Variants in GRXCR2 observed in about 807,000 individuals in gnomAD.
GRXCR2 encodes glutaredoxin and cysteine rich domain containing 2.
A neutral mutation model predicts 24.8 loss-of-function variants in GRXCR2; 23 were observed. The observed-to-expected ratio is 0.93, with a 90% CI of 0.67 to 1.32. The LOEUF is 1.32. GRXCR2 is among the 40% of genes most tolerant of loss of function. The pLI is 0.00. For missense variants in GRXCR2, 315 were observed against 303.4 expected (o/e 1.04, Z -0.28); for synonymous variants, 130 against 116.1 (o/e 1.12, Z -0.77).
chr5:145,903,641 G>A (rs1241089310), intron 2 of GRXCR2, among the ~76,000 whole-genome samples: 2 of 152,104 alleles, frequency 1.3e-5, no homozygotes, highest in African/African-American at 4.8e-5. Context: ...AAAATCATGG[G>A]TTTGAGTAAA....
chr5:145,897,744 A>G (rs528802824), intron 2 of GRXCR2, among the ~76,000 whole-genome samples: 1 of 152,278 alleles, frequency 6.6e-6, no homozygotes, highest in Non-Finnish European at 1.5e-5. Flanking sequence ...AAATCAAGGC[A>G]GAAATCAAAA....
intron 2 of GRXCR2, among the ~76,000 whole-genome samples, chr5:145,914,548 C>T (rs1003209730): frequency 2.6e-4 from 40 of 151,444 alleles, no homozygotes; most frequent in African/African-American, 8.3e-4. Flanking sequence ...TGGTGGTGTG[C>T]GCTTATAATC....
At chr5:145,912,516 A>G (rs1209270392) in intron 2 of GRXCR2, among the ~76,000 whole-genome samples, 1 of 152,196 alleles carries the variant, frequency 6.6e-6, no homozygotes, top group Non-Finnish European at 1.5e-5. Context: ...GGGGCAGGGG[A>G]AAGACCACAC....
intron 2 of GRXCR2, among the ~76,000 whole-genome samples, chr5:145,928,867 CAT>C (rs1387752661): frequency 6.6e-6 from 1 of 151,632 alleles, no homozygotes; most frequent in Admixed American, 6.6e-5. Context: ...CTAACCTGCA[CAT>C]GTTGTGCACA....
chr5:145,904,620 G>T (rs1166673876), intron 2 of GRXCR2, among the ~76,000 whole-genome samples: 1 of 152,184 alleles, frequency 6.6e-6, no homozygotes, highest in Non-Finnish European at 1.5e-5. Context: ...GGAGCCAGAA[G>T]ACCCCACAGT....
At chr5:145,909,186 A>G (rs1003681460) in intron 2 of GRXCR2, among the ~76,000 whole-genome samples, 8 of 152,320 alleles carry the variant, frequency 5.3e-5, no homozygotes, top group Non-Finnish European at 1.0e-4. Context: ...ATTTATTGCT[A>G]TTATATGTAA....
chr5:145,885,342 A>G (rs1428925684), intron 2 of GRXCR2, among the ~76,000 whole-genome samples: 1 of 152,126 alleles, frequency 6.6e-6, no homozygotes, highest in Non-Finnish European at 1.5e-5. Context: ...TCAAGAGACT[A>G]TTATATTTCA....
chr5:145,896,717 T>A (rs1756955491), intron 2 of GRXCR2, among the ~76,000 whole-genome samples: 1 of 152,120 alleles, frequency 6.6e-6, no homozygotes, highest in African/African-American at 2.4e-5. Context: ...CTTGTGGAAG[T>A]CAGTGTGGCG....
chr5:145,894,761 G>C (rs1366844046), intron 2 of GRXCR2, among the ~76,000 whole-genome samples: 1 of 152,048 alleles, frequency 6.6e-6, no homozygotes, highest in African/African-American at 2.4e-5. Flanking sequence ...GAAAAAGAGG[G>C]AATCCTCCCT....
intron 2 of GRXCR2, among the ~76,000 whole-genome samples, chr5:145,884,819 T>G (rs1756755859): frequency 1.3e-5 from 2 of 152,202 alleles, no homozygotes; most frequent in Non-Finnish European, 1.5e-5. Flanking sequence ...CATTTTCACT[T>G]AGACCCTAGT....
At chr5:145,920,267 G>A (rs913678747) in intron 2 of GRXCR2, among the ~76,000 whole-genome samples, 2 of 152,134 alleles carry the variant, frequency 1.3e-5, no homozygotes, top group African/African-American at 4.8e-5. Flanking sequence ...GTGTGGTCCT[G>A]GATCCACATC....
intron 2 of GRXCR2, among the ~76,000 whole-genome samples, chr5:145,880,000 GC>G (rs1412981998): frequency 2.0e-5 from 3 of 152,094 alleles, no homozygotes; most frequent in African/African-American, 7.2e-5. Flanking sequence ...ATCAATGAGA[GC>G]AAAGACACAA....
intron 2 of GRXCR2, among the ~76,000 whole-genome samples, chr5:145,923,584 T>C (rs1757354437): frequency 6.6e-6 from 1 of 152,170 alleles, no homozygotes; most frequent in African/African-American, 2.4e-5. Flanking sequence ...TTTGCTGAAA[T>C]TGAGTGGTGC....
chr5:145,879,277 G>A (rs1464721733), intron 2 of GRXCR2, among the ~76,000 whole-genome samples: 3 of 151,546 alleles, frequency 2.0e-5, no homozygotes, highest in Non-Finnish European at 4.4e-5. Context: ...AGACCCATCA[G>A]TGTGCTGTAT....
Position 145,872,760 on chromosome 5 carries a change from ACTTCCCCAGACCC to A in GRXCR2, c.196_208del (p.Gly66SerfsTer11). On this transcript the variant is annotated frameshift_variant, in exon 1 of 3. Transcript: ENST00000377976. LOFTEE classifies it high-confidence loss of function. ...AGGGGAGCACATCTGGGGCCTGGGG[ACTTCCCCAGACCC>A]ATAAACACCATCCATTGTTTCAAGA... The A allele has an allele frequency of 6.2e-7, 1 of 1,614,044 alleles. No individual in the cohort carries two copies. Among genetic ancestry groups the A allele is most frequent in the Non-Finnish European group, 8.5e-7 (1 of 1,179,912 alleles).
rs1561683096 is a variant in GRXCR2, at chr5:145,889,178, AAGAAAGAAAGAAAG to A, written c.-69-22464_-69-22451del. On this transcript the variant is annotated intron_variant, in intron 2 of 3. Coordinates refer to the GRXCR2 transcript ENST00000639411. Reference sequence around the variant, plus strand: ...ACCGAGACTCTGTCTCAAAAAAAGAAAGAAAGAAAGAAAGAAAGAAAGAAAGAAAGAAAGAAAGA... The same window carrying A: ...ACCGAGACTCTGTCTCAAAAAAAGAAAAAGAAAGAAAGAAAGAAAGAAAGA... Among the ~76,000 whole-genome samples, 78 of 105,124 alleles carry A rather than the reference AAGAAAGAAAGAAAG, an allele frequency of 7.4e-4. 2 individuals are homozygous for A. Among genetic ancestry groups the A allele is most frequent in the Admixed American group, 1.5e-3 (17 of 11,274 alleles). 69.0% of individuals were successfully genotyped at this position (105,124 alleles called of 152,430 possible). A position where few individuals can be genotyped will look rare whatever the true frequency, so the allele number is the denominator to read the frequency against.
intron 2 of GRXCR2, among the ~76,000 whole-genome samples, chr5:145,916,150 T>C (rs535540429): frequency 6.6e-6 from 1 of 152,080 alleles, no homozygotes; most frequent in Non-Finnish European, 1.5e-5. Flanking sequence ...CTGCTTCTGC[T>C]GGGGCAGAAA....
At chr5:145,865,797 G>A (rs1756419004) in intron 2 of GRXCR2, among the ~76,000 whole-genome samples, 1 of 152,094 alleles carries the variant, frequency 6.6e-6, no homozygotes, top group South Asian at 2.1e-4. Flanking sequence ...GGAGACTATG[G>A]ATCAAGGATA....
rs544852590 is a variant in GRXCR2 at position 145,926,015 on chromosome 5, CTT to C, written c.-70+9684_-70+9685del. 5.5e-3 allele frequency among the ~76,000 whole-genome samples: 834 copies of C among 152,048 alleles called. 5 individuals carry two copies. Among genetic ancestry groups the C allele is most frequent in the African/African-American group, 0.019 (790 of 41,498 alleles). On this transcript the variant is annotated intron_variant, in intron 2 of 3. Transcript: ENST00000639411. ...CCCAATTGTCTGAGCAAACTGTCAG[CTT>C]TTGCACAGACTTGCCCTGAGTTTAA...
Sources: allele counts gnomAD v4.1 joint callset (sites outside exome capture counted in the v4.1 genomes callset), GRCh38; gene constraint gnomAD v4.1.1; transcripts MANE v1.5; gene names NCBI Gene and HGNC (gene_info 2026-07-23, HGNC 2026-07-21).